Variants in CERS6 observed in about 807,000 individuals in gnomAD.
CERS6 encodes the protein ceramide synthase 6.
CERS6 carries 26 observed loss-of-function variants against 56.8 expected under a neutral mutation model. The observed-to-expected ratio is 0.46, with a 90% CI of 0.34 to 0.63. CERS6 has a LOEUF of 0.63. Among genes scored for constraint, CERS6 ranks in the 30% least tolerant of loss-of-function variants. The pLI is 0.01. For missense variants in CERS6, 415 were observed against 467.5 expected (o/e 0.89, Z 1.04); for synonymous variants, 164 against 173.3 (o/e 0.95, Z 0.42).
chr2:168,616,882 G>A, intron 3 of CERS6, among the ~76,000 whole-genome samples: 1 of 151,760 alleles, frequency 6.6e-6, no homozygotes, highest in East Asian at 2.0e-4. Flanking sequence ...TGGAACAAAT[G>A]GACTTAATAG....
intron 4 of CERS6, among the ~76,000 whole-genome samples, chr2:168,660,063 C>G (rs1408561766): frequency 6.6e-6 from 1 of 152,130 alleles, no homozygotes; most frequent in Non-Finnish European, 1.5e-5. Context: ...GACATGGATC[C>G]TTAAGTGACT....
At chr2:168,721,355 G>A (rs531139284) in intron 8 of CERS6, among the ~76,000 whole-genome samples, 1 of 151,960 alleles carries the variant, frequency 6.6e-6, no homozygotes, top group Admixed American at 6.6e-5. Flanking sequence ...CCATTCATGA[G>A]GTGACAGACT....
chr2:168,639,845 G>A (rs574915413), intron 4 of CERS6, among the ~76,000 whole-genome samples: 1 of 152,200 alleles, frequency 6.6e-6, no homozygotes, highest in East Asian at 1.9e-4. Context: ...ATGGCTTAGT[G>A]TTTGTGCTTT....
chr2:168,508,474 A>G (rs1030632746), intron 1 of CERS6, among the ~76,000 whole-genome samples: 2 of 152,150 alleles, frequency 1.3e-5, no homozygotes, highest in Non-Finnish European at 2.9e-5. Flanking sequence ...TCTCCTTTTA[A>G]TCTTCCATCC....
Position 168,769,513 on chromosome 2 carries a change from T to C in CERS6, c.1006T>C (p.Ser336Pro). ...ACKAVSRGKV[S>P]KDDRSDIESS... ...CTCACCTGCTTCTACTCCACAGGTG[T>C]CCAAGGATGATCGAAGTGATATTGA... The change falls in exon 10 of 10, where the codon TCC (serine) becomes CCC (proline). Residue 336 changes from serine to proline, a missense_variant. Ser to Pro is a moderately conservative substitution (Grantham distance 74). Coordinates refer to ENST00000305747, the MANE Select transcript of CERS6 (RefSeq NM_203463.3). 6.3e-7 allele frequency: 1 copy of C among 1,598,082 alleles called. No individual in the cohort carries two copies. The highest frequency in any genetic ancestry group is 8.5e-7 in the Non-Finnish European group (1 of 1,174,916).
intron 6 of CERS6, among the ~76,000 whole-genome samples, chr2:168,710,163 G>C (rs1047041848): frequency 2.0e-5 from 3 of 152,104 alleles, no homozygotes; most frequent in African/African-American, 7.2e-5. Flanking sequence ...CAAGGCTCTT[G>C]TTTTTAAAGG....
At chr2:168,480,705 T>C (rs1694162259) in intron 1 of CERS6, among the ~76,000 whole-genome samples, 1 of 152,198 alleles carries the variant, frequency 6.6e-6, no homozygotes, top group Admixed American at 6.5e-5. Context: ...CTTGGAGGAA[T>C]AGAAATGCTT....
chr2:168,765,646 C>T lies in CERS6; in HGVS notation c.900C>T (p.Ser300=), dbSNP rs769678959. Residue 300 remains serine, a synonymous_variant, in exon 9 of 10, where the codon TCC becomes TCT. Transcript: ENST00000305747. ...ESWEIVGPYP[S]WWVFNLLLLL... Reference sequence around the variant, plus strand: ...GGGAGATCGTTGGACCTTACCCTTCCTGGTGGGTTTTTAACCTACTGCTAT... The same window carrying T: ...GGGAGATCGTTGGACCTTACCCTTCTTGGTGGGTTTTTAACCTACTGCTAT... 5 of 1,613,980 alleles carry T rather than the reference C, an allele frequency of 3.1e-6. No homozygotes were observed. Among genetic ancestry groups the T allele is most frequent in the Non-Finnish European group, 3.4e-6 (4 of 1,179,966 alleles).
intron 8 of CERS6, among the ~76,000 whole-genome samples, chr2:168,718,587 A>C (rs2105393992): frequency 6.6e-6 from 1 of 152,334 alleles, no homozygotes; most frequent in Non-Finnish European, 1.5e-5. Context: ...AATTATATCC[A>C]AAGTCTCTTC....
intron 1 of CERS6, among the ~76,000 whole-genome samples, chr2:168,544,122 C>CCTA (rs1695420442): frequency 6.6e-6 from 1 of 152,154 alleles, no homozygotes; most frequent in South Asian, 2.1e-4. Flanking sequence ...TATGCACATA[C>CCTA]CTACCATGGG....
chr2:168,592,218 G>T (rs544371687), intron 3 of CERS6, among the ~76,000 whole-genome samples: 1 of 152,326 alleles, frequency 6.6e-6, no homozygotes, highest in East Asian at 1.9e-4. Flanking sequence ...CTTAGTGGAG[G>T]AGGTGGTGTT....
chr2:168,645,089 TTAAA>T (rs1326430151), intron 4 of CERS6, among the ~76,000 whole-genome samples: 617 of 10,286 alleles, frequency 0.06, 166 homozygotes, highest in Middle Eastern at 0.14. Context: ...AGACTGCATC[TTAAA>T]AAAAAAAAAA....
chr2:168,473,912 GC>G (rs946044333), intron 1 of CERS6, among the ~76,000 whole-genome samples: 1 of 152,110 alleles, frequency 6.6e-6, no homozygotes, highest in Non-Finnish European at 1.5e-5. Context: ...CATGAATGAT[GC>G]CAGGTGTGGT....
At chr2:168,592,715 CTG>C (rs1250197256) in intron 3 of CERS6, among the ~76,000 whole-genome samples, 9 of 152,058 alleles carry the variant, frequency 5.9e-5, no homozygotes, top group Admixed American at 5.9e-4. Flanking sequence ...TGTTACGCTG[CTG>C]TGAGTTGGAA....
chr2:168,698,059 A>AGGTG (rs1686704795), intron 6 of CERS6, among the ~76,000 whole-genome samples: 1 of 151,996 alleles, frequency 6.6e-6, no homozygotes, highest in African/African-American at 2.4e-5. Flanking sequence ...TAGGAGGCCG[A>AGGTG]GGTGGGTGGG....
At chr2:168,482,577 T>C (rs997236318) in intron 1 of CERS6, among the ~76,000 whole-genome samples, 4 of 152,258 alleles carry the variant, frequency 2.6e-5, no homozygotes, top group Admixed American at 6.5e-5. Flanking sequence ...TGATTTCAAC[T>C]GCGTCAGCTT....
At chr2:168,726,823 C>T (rs185241223) in intron 8 of CERS6, among the ~76,000 whole-genome samples, 1 of 152,138 alleles carries the variant, frequency 6.6e-6, no homozygotes, top group Non-Finnish European at 1.5e-5. Flanking sequence ...ATTTTATAAC[C>T]TCCTACTAGT....
intron 4 of CERS6, among the ~76,000 whole-genome samples, chr2:168,681,620 GTAT>G (rs1207968234): frequency 6.6e-6 from 1 of 152,078 alleles, no homozygotes; most frequent in African/African-American, 2.4e-5. Context: ...CCTCAGACAT[GTAT>G]TATTTATTTG....
intron 8 of CERS6, among the ~76,000 whole-genome samples, chr2:168,719,818 A>T (rs948170070): frequency 6.6e-6 from 1 of 152,240 alleles, no homozygotes; most frequent in Non-Finnish European, 1.5e-5. Context: ...AAAGAAATAT[A>T]ATGCAGGCTT....
Sources: allele counts gnomAD v4.1 joint callset (sites outside exome capture counted in the v4.1 genomes callset), GRCh38; gene constraint gnomAD v4.1.1; transcripts MANE v1.5; gene names NCBI Gene and HGNC (gene_info 2026-07-23, HGNC 2026-07-21).